DUSP19: variants seen among roughly 807,000 people sequenced by gnomAD.
DUSP19 encodes the protein dual specificity phosphatase 19.
A neutral mutation model predicts 16.6 loss-of-function variants in DUSP19; 14 were observed. The ratio of observed to expected loss-of-function variants is 0.84; its 90% confidence interval spans 0.56 to 1.32. DUSP19 has a LOEUF of 1.32. DUSP19 is among the 40% of genes most tolerant of loss of function. The pLI is 0.00. For missense variants in DUSP19, 258 were observed against 255.9 expected, an observed-to-expected ratio of 1.01 and a Z score of -0.06; for synonymous variants, 81 against 90.5, an observed-to-expected ratio of 0.90 and a Z score of 0.59.
intron 3 of DUSP19, among the ~76,000 whole-genome samples, chr2:183,093,225 A>G (rs1206747784): frequency 6.6e-6 from 1 of 152,208 alleles, no homozygotes; most frequent in Admixed American, 6.5e-5. Context: ...ATAGGTTACT[A>G]CTTGCCCATA....
chr2:183,086,992 C>A (rs1699671033), intron 2 of DUSP19, 48 bp from the exon 3 acceptor site: 1 of 1,570,352 alleles, frequency 6.4e-7, no homozygotes, highest in South Asian at 1.2e-5. Context: ...TTTTAGGTAA[C>A]CTAATTCATG....
chr2:183,095,413 T>C lies in DUSP19; in HGVS notation c.427-18T>C. ...TCAAATGAATAATGAAGATTTTTGT[T>C]TGTTTTTTTTTTTGTAGGATGGAGT... is the stretch of plus-strand genomic sequence containing the variant. On this transcript the variant is annotated intron_variant, in intron 3 of 3. Transcript: ENST00000354221. 2 of 1,559,042 alleles carry C rather than the reference T, an allele frequency of 1.3e-6. No homozygotes were observed. The highest frequency in any genetic ancestry group is 1.7e-6 in the Non-Finnish European group (2 of 1,155,170).
chr2:183,087,082 T>C lies in DUSP19; in HGVS notation c.316T>C (p.Phe106Leu). The C allele has an allele frequency of 1.2e-6, 2 of 1,612,902 alleles. No individual in the cohort carries two copies. Among genetic ancestry groups the C allele is most frequent in the Non-Finnish European group, 8.5e-7 (1 of 1,179,760 alleles). ...LNVAYGVENA[F>L]LSDFTYKSIS... ...TGTTGCATATGGAGTTGAAAATGCT[T>C]TCCTCAGTGACTTTACATATAAGAG... Residue 106 changes from phenylalanine to leucine, a missense_variant, in exon 3 of 4, where the codon TTC becomes CTC. By Grantham distance (22) the Phe-to-Leu change is conservative. Coordinates refer to ENST00000354221, the MANE Select transcript of DUSP19 (RefSeq NM_080876.4).
At chr2:183,089,027 T>G (rs559379748) in intron 3 of DUSP19, among the ~76,000 whole-genome samples, 1 of 152,338 alleles carries the variant, frequency 6.6e-6, no homozygotes, top group East Asian at 1.9e-4. Context: ...GCTTGGAATT[T>G]TAAATAAATT....
chr2:183,083,429 C>T (rs1699619418), intron 1 of DUSP19, 79 bp from the exon 2 acceptor site: 2 of 1,293,740 alleles, frequency 1.5e-6, no homozygotes, highest in African/African-American at 1.5e-5. Context: ...TTTTTAATAA[C>T]AGAATTGCTG....
intron 3 of DUSP19, among the ~76,000 whole-genome samples, chr2:183,088,656 C>T (rs1699694907): frequency 6.6e-6 from 1 of 152,038 alleles, no homozygotes; most frequent in African/African-American, 2.4e-5. Context: ...CTCCTGAGCT[C>T]AGGCAGACCA....
At chr2:183,088,494 C>T (rs1383368539) in intron 3 of DUSP19, among the ~76,000 whole-genome samples, 1 of 124,830 alleles carries the variant, frequency 8.0e-6, no homozygotes, top group Non-Finnish European at 1.7e-5. Flanking sequence ...TAACCTCCGG[C>T]TCACTGCAAC....
Position 183,084,076 on chromosome 2 carries a change from G to A in DUSP19, c.273+522G>A, listed in dbSNP as rs139261062. On this transcript the variant is annotated intron_variant, in intron 2 of 3. Transcript: ENST00000354221. ...CAAGAGATTCTTGTTCACTTGAAGC[G>A]TATGACCTAAGGGGCAGACAGAGAA... 6.1e-3 allele frequency among the ~76,000 whole-genome samples: 923 copies of A among 152,252 alleles called. 6 individuals are homozygous for A. Among genetic ancestry groups the A allele is most frequent in the Middle Eastern group, 0.017 (5 of 294 alleles).
At chr2:183,086,914 TATC>T in intron 2 of DUSP19, 123 bp from the exon 3 acceptor site, 1 of 804,796 alleles carries the variant, frequency 1.2e-6, no homozygotes, top group South Asian at 1.8e-5. Flanking sequence ...GAAGCAGTAT[TATC>T]ATTCAAGTGA....
Position 183,095,773 on chromosome 2 carries a change from T to A in DUSP19, c.*115T>A, listed in dbSNP as rs906538498. The A allele has an allele frequency of 3.5e-5, 25 of 719,156 alleles. No homozygotes were observed. The highest frequency in any genetic ancestry group is 4.5e-5 in the Non-Finnish European group (20 of 446,112). 44.5% of individuals were successfully genotyped at this position (719,156 alleles called of 1,614,324 possible). A position where few individuals can be genotyped will look rare whatever the true frequency, so the allele number is the denominator to read the frequency against. On this transcript the variant is annotated 3_prime_UTR_variant, in exon 4 of 4. Coordinates refer to ENST00000354221, the MANE Select transcript of DUSP19 (RefSeq NM_080876.4). ...ACTCCCTTTTTTCTCTTGCCTTTTT[T>A]ATGCATAAATGGAGGTCAATTTGAT...
chr2:183,092,006 CA>C (rs1699738031), intron 3 of DUSP19, among the ~76,000 whole-genome samples: 1 of 152,162 alleles, frequency 6.6e-6, no homozygotes, highest in Non-Finnish European at 1.5e-5. Context: ...CTGTGCTCCT[CA>C]AAGTGTTGTC....
Position 183,096,086 on chromosome 2 carries a change from A to G in DUSP19, c.*428A>G, listed in dbSNP as rs990062515. 1.3e-5 allele frequency: 2 copies of G among 152,752 alleles called. No homozygotes were observed. The highest frequency in any genetic ancestry group is 2.9e-5 in the Non-Finnish European group (2 of 68,436). The allele number at this position is 152,752 out of a possible 1,614,324, so 9.5% of individuals were successfully genotyped here. ...AGGGAAGTATATTTCTTTTTAAAGA[A>G]TCTTTTTAAGATTAAAAATGAATAC... is the stretch of plus-strand genomic sequence containing the variant. On this transcript the variant is annotated 3_prime_UTR_variant, in exon 4 of 4. Coordinates refer to ENST00000354221, the MANE Select transcript of DUSP19 (RefSeq NM_080876.4).
At chr2:183,090,829 C>T (rs1699722767) in intron 3 of DUSP19, among the ~76,000 whole-genome samples, 1 of 152,208 alleles carries the variant, frequency 6.6e-6, no homozygotes, top group Non-Finnish European at 1.5e-5. Context: ...GACTTCCCTC[C>T]CTATTGCACA....
At chr2:183,095,238 A>G (rs952760488) in intron 3 of DUSP19, among the ~76,000 whole-genome samples, 193 bp from the exon 4 acceptor site, 14 of 152,128 alleles carry the variant, frequency 9.2e-5, no homozygotes, top group African/African-American at 3.1e-4. Context: ...GTACAGGTTG[A>G]TTGATTGATT....
intron 3 of DUSP19, among the ~76,000 whole-genome samples, chr2:183,091,615 T>C (rs1273518223): frequency 1.3e-5 from 2 of 152,220 alleles, no homozygotes; most frequent in African/African-American, 4.8e-5. Context: ...AAACATCTGA[T>C]TGGTTGCAAA....
Position 183,091,992 on chromosome 2 carries a change from T to C in DUSP19, c.427-3439T>C, listed in dbSNP as rs538864222. Among the ~76,000 whole-genome samples the C allele has an allele frequency of 2.0e-5, 3 of 152,316 alleles. No individual in the cohort carries two copies. In the South Asian group the frequency reaches 6.2e-4, roughly 32 times the overall value. On this transcript the variant is annotated intron_variant, in intron 3 of 3. Transcript: ENST00000354221. ...GTGGATAGTCATGAGTGGACTGTTC[T>C]GACCTGTGCTCCTCAAAGTGTTGTC... is the stretch of plus-strand genomic sequence containing the variant.
intron 3 of DUSP19, among the ~76,000 whole-genome samples, chr2:183,088,555 TG>T (rs1699693614): frequency 6.6e-6 from 1 of 151,710 alleles, no homozygotes; most frequent in Non-Finnish European, 1.5e-5. Context: ...CCCAGGTAGT[TG>T]GGACTATAGG....
intron 2 of DUSP19, among the ~76,000 whole-genome samples, chr2:183,086,207 G>A (rs1699659852): frequency 6.6e-6 from 1 of 152,056 alleles, no homozygotes. Context: ...GAGTTCATCA[G>A]GTGACTCTAA....
At chr2:183,093,345 G>A (rs1559130652) in intron 3 of DUSP19, among the ~76,000 whole-genome samples, 1 of 152,128 alleles carries the variant, frequency 6.6e-6, no homozygotes, top group South Asian at 2.1e-4. Flanking sequence ...GCCAAGAATT[G>A]CACTAAATAC....
Sources: allele counts gnomAD v4.1 joint callset (sites outside exome capture counted in the v4.1 genomes callset), GRCh38; gene constraint gnomAD v4.1.1; transcripts MANE v1.5; gene names NCBI Gene and HGNC (gene_info 2026-07-23, HGNC 2026-07-21).